MAP3K2: variants seen among roughly 807,000 people sequenced by gnomAD.
MAP3K2 encodes MAP/ERK kinase kinase 2.
A neutral mutation model predicts 80.3 loss-of-function variants in MAP3K2; 24 were observed. The ratio of observed to expected loss-of-function variants is 0.30; its 90% confidence interval spans 0.22 to 0.42. The LOEUF (loss-of-function observed/expected upper bound fraction) is 0.42, where lower values mean the gene tolerates loss of function less well. MAP3K2 is among the 10% of genes least tolerant of loss of function. The pLI is 1.00. For synonymous variants in MAP3K2, 244 were observed against 253.7 expected (o/e 0.96, Z 0.36); for missense variants, 608 against 750.1 (o/e 0.81, Z 2.21).
At chr2:127,330,048 T>C (rs1265244254) in intron 6 of MAP3K2, 40 bp from the exon 7 acceptor site, 2 of 1,208,936 alleles carry the variant, frequency 1.7e-6, no homozygotes, top group African/African-American at 3.0e-5. Context: ...TTCTTCCTCC[T>C]TGGGGCTTTA....
At chr2:127,320,425 G>C (rs779386576) in intron 12 of MAP3K2, among the ~76,000 whole-genome samples, 2 of 152,112 alleles carry the variant, frequency 1.3e-5, no homozygotes, top group African/African-American at 4.8e-5. Context: ...GATCAATGGT[G>C]GGGGAGAGAG....
chr2:127,368,874 T>C (rs1185053744), intron 1 of MAP3K2, among the ~76,000 whole-genome samples: 1 of 152,000 alleles, frequency 6.6e-6, no homozygotes, highest in East Asian at 1.9e-4. Flanking sequence ...GCCTCCAAAG[T>C]AGCTGGCACT....
intron 1 of MAP3K2, among the ~76,000 whole-genome samples, chr2:127,350,853 T>G: frequency 6.6e-6 from 1 of 150,752 alleles, no homozygotes; most frequent in Non-Finnish European, 1.5e-5. Flanking sequence ...AACAGGCAAA[T>G]TAAAATCATG....
In MAP3K2 at chr2:127,319,650, C is replaced by CAAA. The variant is rs57472022; in HGVS notation, c.1046-1336_1046-1334dup. ...TGAAACCCCATCTCTACTAAAAATA[C>CAAA]AAAAAAAAAAAAAAAAAAAAAAAAA... On this transcript the variant is annotated intron_variant, in intron 12 of 16. Coordinates refer to ENST00000682094, the MANE Select transcript of MAP3K2 (RefSeq NM_001371910.2). 5.8e-3 allele frequency among the ~76,000 whole-genome samples: 417 copies of CAAA among 71,808 alleles called. 3 individuals carry two copies. The highest frequency in any genetic ancestry group is 0.012 in the African/African-American group (203 of 17,364). The allele number at this position is 71,808 out of a possible 152,430, so 47.1% of individuals were successfully genotyped here.
intron 4 of MAP3K2, among the ~76,000 whole-genome samples, chr2:127,336,718 C>T (rs1686379584): frequency 6.6e-6 from 1 of 152,194 alleles, no homozygotes; most frequent in Non-Finnish European, 1.5e-5. Flanking sequence ...CATGGTTTAT[C>T]TGATATATTC....
At position 127,387,597 on chromosome 2, in the gene MAP3K2, A is replaced by AGGAGTCGGGCGCGGGCCTT; in HGVS notation, c.-230_-212dup. 1 of 984,800 alleles carries AGGAGTCGGGCGCGGGCCTT rather than the reference A, an allele frequency of 1.0e-6. No individual in the cohort carries two copies. The highest frequency in any genetic ancestry group is 1.2e-6 in the Non-Finnish European group (1 of 829,692). 61.0% of individuals were successfully genotyped at this position (984,800 alleles called of 1,614,324 possible). ...CCCCCGGGGACCGGAGGGGCGCGCG[A>AGGAGTCGGGCGCGGGCCTT]GGAGTCGGGCGCGGGCCTTGGGGCC... On this transcript the variant is annotated 5_prime_UTR_variant, in exon 1 of 17. Coordinates refer to ENST00000682094, the MANE Select transcript of MAP3K2 (RefSeq NM_001371910.2).
At chr2:127,367,893 C>T (rs1023827950) in intron 1 of MAP3K2, among the ~76,000 whole-genome samples, 3 of 152,248 alleles carry the variant, frequency 2.0e-5, no homozygotes, top group Non-Finnish European at 2.9e-5. Flanking sequence ...CATCTAAACA[C>T]GTCTAAGTCA....
At chr2:127,343,366 C>T (rs1313061269) in intron 1 of MAP3K2, 172 bp from the exon 2 acceptor site, 7 of 458,224 alleles carry the variant, frequency 1.5e-5, no homozygotes, top group African/African-American at 1.4e-4. Context: ...TGTAGGCACC[C>T]CCTTGCCTAA....
intron 1 of MAP3K2, among the ~76,000 whole-genome samples, chr2:127,350,396 G>A (rs1019535101): frequency 3.5e-5 from 5 of 143,676 alleles, no homozygotes; most frequent in African/African-American, 5.1e-5. Flanking sequence ...CAGCCCAGGG[G>A]TTTGTATCCC....
chr2:127,384,085 C>T (rs1251997992), intron 1 of MAP3K2, among the ~76,000 whole-genome samples: 3 of 151,336 alleles, frequency 2.0e-5, no homozygotes, highest in African/African-American at 4.9e-5. Context: ...TTAGTAAAGA[C>T]GGGGTTTCAT....
intron 14 of MAP3K2, among the ~76,000 whole-genome samples, chr2:127,317,369 A>G (rs556570317): frequency 2.5e-4 from 38 of 152,340 alleles, no homozygotes; most frequent in Non-Finnish European, 5.3e-4. Flanking sequence ...TATAAAGGGC[A>G]TTTTAGGGCA....
At chr2:127,345,117 G>A (rs1686575158) in intron 1 of MAP3K2, among the ~76,000 whole-genome samples, 1 of 152,188 alleles carries the variant, frequency 6.6e-6, no homozygotes, top group African/African-American at 2.4e-5. Context: ...GCCTCCCTAA[G>A]TGCTGGGACT....
At chr2:127,384,488 T>C (rs1687309827) in intron 1 of MAP3K2, among the ~76,000 whole-genome samples, 1 of 152,080 alleles carries the variant, frequency 6.6e-6, no homozygotes. Flanking sequence ...AATATCAACA[T>C]TAACAGGAAT....
rs1198169240 is a variant in MAP3K2 at position 127,301,998 on chromosome 2, T to C, written c.*5581A>G. ...AGCCAAAGACAACTATAAGTAGGAATAGCTGCTTCACAGCATGCTTCCCCT... is the reference window on the plus strand; with the variant it reads ...AGCCAAAGACAACTATAAGTAGGAACAGCTGCTTCACAGCATGCTTCCCCT... On this transcript the variant is annotated 3_prime_UTR_variant, in exon 17 of 17. Coordinates refer to ENST00000682094, the MANE Select transcript of MAP3K2 (RefSeq NM_001371910.2). 6.6e-6 allele frequency: 1 copy of C among 152,184 alleles called. No individual in the cohort carries two copies. 9.4% of individuals were successfully genotyped at this position (152,184 alleles called of 1,614,324 possible).
In MAP3K2 at chr2:127,375,730, C is replaced by T. The variant is rs113425272; in HGVS notation, c.-66+11722G>A. ...TAGTACCTGCTACACTCTATTTGGC[C>T]CATCCTCTAAATCCGCCTTTCTTCT... On this transcript the variant is annotated intron_variant, in intron 1 of 16. Transcript: ENST00000682094. Among the ~76,000 whole-genome samples, 1,348 of 152,150 alleles carry T rather than the reference C, an allele frequency of 8.9e-3. 14 individuals are homozygous for T. The highest frequency in any genetic ancestry group is 0.015 in the Non-Finnish European group (998 of 68,010).
chr2:127,307,931 TTTCA>T lies in MAP3K2; in HGVS notation c.1635-131_1635-128del, dbSNP rs1685733740. 3.3e-6 allele frequency: 2 copies of T among 612,886 alleles called. No homozygotes were observed. Among genetic ancestry groups the T allele is most frequent in the Non-Finnish European group, 5.4e-6 (2 of 371,606 alleles). The allele number at this position is 612,886 out of a possible 1,614,324, so 38.0% of individuals were successfully genotyped here. A position where few individuals can be genotyped will look rare whatever the true frequency, so the allele number is the denominator to read the frequency against. ...ATATGACTTAATTTCAAGTTCAAAG[TTTCA>T]TTAAAAAGTTCTAATTTCGTAAAAC... On this transcript the variant is annotated intron_variant, in intron 16 of 16. Transcript: ENST00000682094. The surrounding 1 kb of genome is among the most constrained non-coding windows in gnomAD (Gnocchi z 5.4).
intron 1 of MAP3K2, among the ~76,000 whole-genome samples, chr2:127,384,043 G>GT (rs1175557959): frequency 6.6e-6 from 1 of 150,856 alleles, no homozygotes; most frequent in African/African-American, 2.4e-5. Context: ...CCGGCTAGTG[G>GT]TTTTTTTTGT....
chr2:127,384,044 T>G (rs989603882), intron 1 of MAP3K2, among the ~76,000 whole-genome samples: 1 of 150,974 alleles, frequency 6.6e-6, no homozygotes, highest in Non-Finnish European at 1.5e-5. Context: ...CGGCTAGTGG[T>G]TTTTTTTGTT....
chr2:127,339,151 A>T lies in MAP3K2; in HGVS notation c.5-101T>A. On this transcript the variant is annotated intron_variant, in intron 2 of 16. Transcript: ENST00000682094. The surrounding 1 kb of genome is among the most constrained non-coding windows in gnomAD (Gnocchi z 4.2). ...CAAAATTTAAAATAAAATTTGATGTAGAGAATGTATTAATGCAAAAATGCA... is the reference window on the plus strand; with the variant it reads ...CAAAATTTAAAATAAAATTTGATGTTGAGAATGTATTAATGCAAAAATGCA... 4.2e-6 allele frequency: 3 copies of T among 714,560 alleles called. No homozygotes were observed. The highest frequency in any genetic ancestry group is 7.0e-6 in the Non-Finnish European group (3 of 429,142). 44.3% of individuals were successfully genotyped at this position (714,560 alleles called of 1,614,324 possible).
Sources: gnomAD v4.1 joint callset for allele counts (sites outside exome capture counted in the v4.1 genomes callset) on GRCh38, gnomAD v4.1.1 for gene constraint, Gnocchi (gnomAD v3.1) non-coding constraint, MANE v1.5 for transcripts, NCBI Gene and HGNC (gene_info 2026-07-23, HGNC 2026-07-21) for gene names.